The following NCF2 variants were observed in gnomAD, a reference collection of about 807,000 sequenced individuals.
The protein encoded by NCF2 is neutrophil cytosol factor 2.
A neutral mutation model predicts 70.9 loss-of-function variants in NCF2; 45 were observed. The ratio of observed to expected loss-of-function variants is 0.63; its 90% CI spans 0.50 to 0.81. The LOEUF (loss-of-function observed/expected upper bound fraction) is 0.81, where lower values mean the gene tolerates loss of function less well. NCF2 is among the 40% of genes least tolerant of loss of function. The pLI is 0.00. For synonymous variants in NCF2, 203 were observed against 233.6 expected (o/e 0.87, Z 1.19); for missense variants, 522 against 631.6 (o/e 0.83, Z 1.86).
intron 6 of NCF2, 137 bp from the exon 7 acceptor site, chr1:183,569,322 A>G: frequency 1.2e-6 from 1 of 834,556 alleles, no homozygotes; most frequent in South Asian, 1.4e-5. Flanking sequence ...TGATGAGAAC[A>G]CTGTCTAGGA....
At chr1:183,568,467 A>G (rs35081682) in intron 7 of NCF2, among the ~76,000 whole-genome samples, 1,538 of 151,964 alleles carry the variant, frequency 0.01, 25 homozygotes, top group African/African-American at 0.036. Flanking sequence ...CACCTGGCCA[A>G]TCACTTTTTA....
chr1:183,584,684 C>A (rs968126855), intron 2 of NCF2, among the ~76,000 whole-genome samples: 1 of 152,038 alleles, frequency 6.6e-6, no homozygotes, highest in East Asian at 1.9e-4. Flanking sequence ...GATTTAAGAT[C>A]GGCTGAAGGA....
chr1:183,594,792 CT>C (rs75499535), upstream of NCF2, among the ~76,000 whole-genome samples: 69,128 of 151,754 alleles, frequency 0.46, 16,150 homozygotes, highest in African/African-American at 0.53. Flanking sequence ...CAAGACCCTC[CT>C]TTTTTTTTCT....
intron 14 of NCF2, among the ~76,000 whole-genome samples, chr1:183,557,301 C>T (rs577047600): frequency 1.3e-5 from 2 of 152,288 alleles, no homozygotes; most frequent in South Asian, 2.1e-4. Context: ...GGATCCTGCC[C>T]CCAGAAATTT....
chr1:183,563,869 TG>T, intron 11 of NCF2, 135 bp downstream of exon 11: 1 of 1,025,344 alleles, frequency 9.8e-7, no homozygotes, highest in Non-Finnish European at 1.5e-6. Context: ...CCCTAGCTCA[TG>T]GACTCTGTAA....
chr1:183,591,564 C>A (rs1673648488), upstream of NCF2, among the ~76,000 whole-genome samples: 1 of 150,366 alleles, frequency 6.7e-6, no homozygotes, highest in Non-Finnish European at 1.5e-5. Context: ...CTCATTGCAA[C>A]CTCTGCCTCC....
intron 5 of NCF2, among the ~76,000 whole-genome samples, chr1:183,572,707 A>C (rs3845464): frequency 0.46 from 69,042 of 151,694 alleles, 16,037 homozygotes; most frequent in East Asian, 0.62. Context: ...TGGTGCAATC[A>C]TAGCTCACTG....
chr1:183,570,866 G>C (rs765562133), intron 5 of NCF2, 27 bp from the exon 6 acceptor site: 1 of 1,611,372 alleles, frequency 6.2e-7, no homozygotes, highest in South Asian at 1.1e-5. Context: ...GAGGGTGTGA[G>C]GCTCTGCCAG....
chr1:183,563,666 T>G (rs568867705), intron 11 of NCF2, 81 bp from the exon 12 acceptor site: 1 of 1,566,752 alleles, frequency 6.4e-7, no homozygotes, highest in African/African-American at 1.3e-5. Flanking sequence ...GTTTCGTGAT[T>G]TGGCACAGGG....
intron 4 of NCF2, 137 bp downstream of exon 4, chr1:183,574,350 C>T (rs1263272858): frequency 7.7e-7 from 1 of 1,300,484 alleles, no homozygotes; most frequent in Non-Finnish European, 1.1e-6. Context: ...TTAAGTGGAA[C>T]TATACCCTAA....
At position 183,567,090 on chromosome 1, in the gene NCF2, C is replaced by T; in HGVS notation, c.856-102G>A. 2.5e-6 allele frequency: 4 copies of T among 1,606,414 alleles called. No homozygotes were observed. The South Asian group carries it at 3.3e-5, about 13-fold the overall frequency. ...AGAGTCCTGGGGAAGGGATGACGAA[C>T]AGACAAAAGAACTTGGCTGGTCTGC... On this transcript the variant is annotated intron_variant, in intron 8 of 14. Coordinates refer to ENST00000367535, the MANE Select transcript of NCF2 (RefSeq NM_000433.4).
rs528361273 is a variant in NCF2 at position 183,555,798 on chromosome 1, C to T, written c.*320G>A. The T allele has an allele frequency of 3.7e-5, 15 of 400,170 alleles. No individual in the cohort carries two copies. The East Asian group carries it at 7.5e-4, about 20-fold the overall frequency. The allele number at this position is 400,170 out of a possible 1,614,324, so 24.8% of individuals were successfully genotyped here. A position where few individuals can be genotyped will look rare whatever the true frequency, so the allele number is the denominator to read the frequency against. On this transcript the variant is annotated 3_prime_UTR_variant, in exon 15 of 15. Coordinates refer to ENST00000367535, the MANE Select transcript of NCF2 (RefSeq NM_000433.4). ...TTGATGAATGTTTACAGTGTGAACA[C>T]AGCTGGCTAGCTAGCACTCAGAGCA... is the stretch of plus-strand genomic sequence containing the variant.
upstream of NCF2, among the ~76,000 whole-genome samples, chr1:183,591,965 T>G (rs1323832478): frequency 6.6e-6 from 1 of 152,136 alleles, no homozygotes; most frequent in Non-Finnish European, 1.5e-5. Context: ...AAAAACAGAT[T>G]TAAGAGTTCT....
Position 183,555,982 on chromosome 1 carries a change from T to A in NCF2, c.*136A>T. ...GTACTCACATCATTGTCTAGTAGGT[T>A]AAATTTTAACAGGGAATAAATAGTT... On this transcript the variant is annotated 3_prime_UTR_variant, in exon 15 of 15. Coordinates refer to ENST00000367535, the MANE Select transcript of NCF2 (RefSeq NM_000433.4). 1 of 796,398 alleles carries A rather than the reference T, an allele frequency of 1.3e-6. No individual in the cohort carries two copies. The highest frequency in any genetic ancestry group is 2.0e-5 in the Admixed American group (1 of 48,826). 49.3% of individuals were successfully genotyped at this position (796,398 alleles called of 1,614,324 possible).
chr1:183,588,104 T>C (rs1572179210), intron 1 of NCF2, among the ~76,000 whole-genome samples: 1 of 152,298 alleles, frequency 6.6e-6, no homozygotes, highest in African/African-American at 2.4e-5. Flanking sequence ...TTCTCCTAGT[T>C]TGAGTAGAGT....
intron 2 of NCF2, among the ~76,000 whole-genome samples, chr1:183,579,760 AAAAAG>A (rs1672974694): frequency 6.8e-6 from 1 of 147,956 alleles, no homozygotes; most frequent in African/African-American, 2.5e-5. Context: ...AAAAAAAAAA[AAAAAG>A]AGAATAATAA....
At chr1:183,590,910 G>C (rs188693904), upstream of NCF2, 1 of 167,850 alleles carries the variant, frequency 6.0e-6, no homozygotes, top group East Asian at 1.7e-4. Context: ...GTGACCTAGA[G>C]TGAGAACTTC....
At chr1:183,570,052 TTTA>T (rs1316841558) in intron 6 of NCF2, among the ~76,000 whole-genome samples, 2 of 152,206 alleles carry the variant, frequency 1.3e-5, no homozygotes, top group Admixed American at 1.3e-4. Context: ...TTTCATCAGC[TTTA>T]TTGTGAAGAA....
chr1:183,576,801 GC>G (rs1672819739), intron 3 of NCF2, among the ~76,000 whole-genome samples: 1 of 152,138 alleles, frequency 6.6e-6, no homozygotes, highest in Admixed American at 6.5e-5. Context: ...GACTTCTTGT[GC>G]CTGAGAAACT....
Sources: gnomAD v4.1 joint callset for allele counts (sites outside exome capture counted in the v4.1 genomes callset) on GRCh38, gnomAD v4.1.1 for gene constraint, MANE v1.5 for transcripts, NCBI Gene and HGNC (gene_info 2026-07-23, HGNC 2026-07-21) for gene names.